DPP6: variants seen among roughly 807,000 people sequenced by gnomAD.
DPP6 encodes the protein dipeptidyl peptidase like 6.
A neutral mutation model predicts 122.6 loss-of-function variants in DPP6; 69 were observed. The observed-to-expected ratio is 0.56, with a 90% CI of 0.46 to 0.69. The LOEUF is 0.69. Among genes scored for constraint, DPP6 ranks in the 30% least tolerant of loss-of-function variants. The pLI, the probability that DPP6 is intolerant of heterozygous loss-of-function variation, is 0.00. For missense variants in DPP6, 928 were observed against 1,116.9 expected (o/e 0.83, Z 2.41); for synonymous variants, 418 against 433.1 (o/e 0.97, Z 0.43).
chr7:154,069,454 A>G (rs1802964414), intron 1 of DPP6, among the ~76,000 whole-genome samples: 1 of 150,770 alleles, frequency 6.6e-6, no homozygotes, highest in African/African-American at 2.4e-5. Flanking sequence ...ATAAAGTATA[A>G]TTTTTGAGAA....
chr7:153,994,042 A>G (rs1471744711), intron 1 of DPP6, among the ~76,000 whole-genome samples: 2 of 152,186 alleles, frequency 1.3e-5, no homozygotes, highest in Non-Finnish European at 2.9e-5. Context: ...CCAGTACTAG[A>G]TCTGGAAGCA....
chr7:154,348,351 A>G (rs1374627009), intron 1 of DPP6, among the ~76,000 whole-genome samples: 1 of 152,254 alleles, frequency 6.6e-6, no homozygotes, highest in Non-Finnish European at 1.5e-5. Flanking sequence ...TATGATTTTT[A>G]TAAAGCATTG....
chr7:153,794,146 G>A, the DPP6 span, among the ~76,000 whole-genome samples: 1 of 152,174 alleles, frequency 6.6e-6, no homozygotes, highest in Non-Finnish European at 1.5e-5. Context: ...GTGAGAAGAG[G>A]GCCACTGTCC....
At chr7:153,914,841 A>G (rs1229361831) in intron 1 of DPP6, among the ~76,000 whole-genome samples, 1 of 152,176 alleles carries the variant, frequency 6.6e-6, no homozygotes, top group African/African-American at 2.4e-5. Flanking sequence ...CAGTGTACGA[A>G]TGTTAAACTA....
chr7:154,411,351 C>T (rs986291333), intron 1 of DPP6, among the ~76,000 whole-genome samples: 1 of 152,052 alleles, frequency 6.6e-6, no homozygotes, highest in Non-Finnish European at 1.5e-5. Flanking sequence ...GTGACCCTCC[C>T]ACCTCACCCT....
intron 1 of DPP6, among the ~76,000 whole-genome samples, chr7:154,303,908 G>C (rs1312105086): frequency 6.6e-6 from 1 of 152,158 alleles, no homozygotes; most frequent in East Asian, 1.9e-4. Flanking sequence ...GTTTGTTTTT[G>C]TAAAATGATG....
At chr7:154,432,848 T>C (rs1469099289) in intron 1 of DPP6, among the ~76,000 whole-genome samples, 1 of 152,084 alleles carries the variant, frequency 6.6e-6, no homozygotes, top group Non-Finnish European at 1.5e-5. Flanking sequence ...AAAAGAAAAA[T>C]TGTACTTAGG....
intron 5 of DPP6, among the ~76,000 whole-genome samples, chr7:154,608,494 A>T (rs1259320346): frequency 7.2e-6 from 1 of 138,638 alleles, no homozygotes; most frequent in Non-Finnish European, 1.5e-5. Flanking sequence ...CACCTGGCTA[A>T]TTTTTTTTTT....
At chr7:154,448,909 A>C (rs555066088) in intron 2 of DPP6, among the ~76,000 whole-genome samples, 36 of 152,350 alleles carry the variant, frequency 2.4e-4, no homozygotes, top group Middle Eastern at 6.8e-3. Flanking sequence ...ACCATATACA[A>C]AGATGAACTC....
chr7:154,225,624 C>T (rs1420328649), intron 1 of DPP6, among the ~76,000 whole-genome samples: 1 of 152,076 alleles, frequency 6.6e-6, no homozygotes, highest in Non-Finnish European at 1.5e-5. Context: ...AGGCTTTGAG[C>T]ATGTGTATAT....
At chr7:154,308,383 G>T (rs1012959006) in intron 1 of DPP6, among the ~76,000 whole-genome samples, 23 of 152,190 alleles carry the variant, frequency 1.5e-4, no homozygotes, top group African/African-American at 5.3e-4. Context: ...AAATAAACAA[G>T]CCAGAGTAAC....
intron 8 of DPP6, among the ~76,000 whole-genome samples, chr7:154,758,816 C>T (rs1171023998): frequency 6.6e-6 from 1 of 152,136 alleles, no homozygotes; most frequent in East Asian, 1.9e-4. Flanking sequence ...AAACAAGTGA[C>T]CTAAGCCAAC....
chr7:154,335,491 G>T (rs958533954), intron 1 of DPP6, among the ~76,000 whole-genome samples: 1 of 152,204 alleles, frequency 6.6e-6, no homozygotes, highest in Admixed American at 6.5e-5. Flanking sequence ...ATGTGCAGAC[G>T]TAGGTCATAA....
intron 1 of DPP6, among the ~76,000 whole-genome samples, chr7:154,138,172 G>A (rs1795673939): frequency 6.6e-6 from 1 of 152,176 alleles, no homozygotes; most frequent in African/African-American, 2.4e-5. Flanking sequence ...TCTCTCAGAA[G>A]TTCATTAAAA....
At chr7:153,814,685 T>A in the DPP6 span, among the ~76,000 whole-genome samples, 1 of 152,174 alleles carries the variant, frequency 6.6e-6, no homozygotes, top group East Asian at 1.9e-4. Flanking sequence ...ATATCCTTGA[T>A]GAACATTGAT....
At chr7:154,859,292 GCGGGGCC>G (rs1487318077) in intron 17 of DPP6, among the ~76,000 whole-genome samples, 13 of 152,284 alleles carry the variant, frequency 8.5e-5, no homozygotes, top group African/African-American at 3.1e-4. Flanking sequence ...AGCCAGGAAA[GCGGGGCC>G]CATGGCCTAC....
intron 8 of DPP6, among the ~76,000 whole-genome samples, chr7:154,737,695 T>A (rs1349434189): frequency 1.3e-5 from 2 of 152,204 alleles, no homozygotes; most frequent in African/African-American, 4.8e-5. Context: ...TGCATTAATT[T>A]CTTGCCTATG....
chr7:154,052,752 G>C lies in DPP6; in HGVS notation c.-69G>C. ...TTTTTTTAATCTGGAGCGGGGTGGG[G>C]AGTGGGAACCGGAGAGAAAGCAAAA... On this transcript the variant is annotated 5_prime_UTR_variant, in exon 1 of 26. Coordinates refer to ENST00000377770, the MANE Select transcript of DPP6 (RefSeq NM_130797.4). This position sits in a 1 kb window ranked among gnomAD's most constrained non-coding sequence, Gnocchi z 4.8. 2 of 1,378,170 alleles carry C rather than the reference G, an allele frequency of 1.5e-6. No homozygotes were observed. Among genetic ancestry groups the C allele is most frequent in the Non-Finnish European group, 1.9e-6 (2 of 1,046,862 alleles). 85.4% of individuals were successfully genotyped at this position (1,378,170 alleles called of 1,614,324 possible). A position where few individuals can be genotyped will look rare whatever the true frequency, so the allele number is the denominator to read the frequency against.
chr7:154,463,345 C>T (rs1821483309), intron 2 of DPP6, among the ~76,000 whole-genome samples: 1 of 151,552 alleles, frequency 6.6e-6, no homozygotes, highest in Non-Finnish European at 1.5e-5. Flanking sequence ...GTAGCTGGGA[C>T]TACAGGCGCG....
Sources: gnomAD v4.1 joint callset for allele counts (sites outside exome capture counted in the v4.1 genomes callset) on GRCh38, gnomAD v4.1.1 for gene constraint, Gnocchi (gnomAD v3.1) non-coding constraint, MANE v1.5 for transcripts, NCBI Gene and HGNC (gene_info 2026-07-23, HGNC 2026-07-21) for gene names.